Variants in WWOX observed in about 807,000 individuals in gnomAD.
WWOX encodes WW domain-containing oxidoreductase.
Under a neutral mutation model 46.2 loss-of-function variants are expected in WWOX, and 69 were observed. The ratio of observed to expected loss-of-function variants is 1.49; its 90% CI spans 1.23 to 1.82. WWOX has a LOEUF of 1.82. WWOX is among the 40% of genes most tolerant of loss of function. The pLI is 0.00. For missense variants in WWOX, 919 were observed against 542.6 expected (o/e 1.69, Z -6.89); for synonymous variants, 359 against 202.6 (o/e 1.77, Z -6.56).
chr16:78,658,380 C>G lies in WWOX; in HGVS notation c.1056+225628C>G, dbSNP rs186752884. Among the ~76,000 whole-genome samples, 15 of 152,302 alleles carry G rather than the reference C, an allele frequency of 9.8e-5. No individual in the cohort carries two copies. The East Asian group carries it at 1.3e-3, about 14-fold the overall frequency. On this transcript the variant is annotated intron_variant, in intron 8 of 8. Coordinates refer to ENST00000566780, the MANE Select transcript of WWOX (RefSeq NM_016373.4). ...GCTCTAAACACTTGCCATGTAGTCA[C>G]TAATTTAATCCTCACAAGAATTCTG... is the stretch of plus-strand genomic sequence containing the variant.
rs559242003 is a variant in WWOX, at chr16:79,103,974, G to A, written c.1057-107634G>A. Reference sequence around the variant, plus strand: ...GAAGTCTAGGAATGGGGAGATTTATGTACTATAGTCAGTAACCAATCCTGA... The same window carrying A: ...GAAGTCTAGGAATGGGGAGATTTATATACTATAGTCAGTAACCAATCCTGA... On this transcript the variant is annotated intron_variant, in intron 8 of 8. Coordinates refer to ENST00000566780, the MANE Select transcript of WWOX (RefSeq NM_016373.4). 2.3e-5 allele frequency among the ~76,000 whole-genome samples: 3 copies of A among 130,076 alleles called. No homozygotes were observed. In the South Asian group the frequency reaches 7.8e-4, roughly 34 times the overall value. The allele number at this position is 130,076 out of a possible 152,430, so 85.3% of individuals were successfully genotyped here.
At chr16:78,834,371 G>T (rs1126340) in intron 8 of WWOX, among the ~76,000 whole-genome samples, 1 of 151,964 alleles carries the variant, frequency 6.6e-6, no homozygotes, top group Non-Finnish European at 1.5e-5. Flanking sequence ...CAGGATTGTC[G>T]TGCGTGTGTC....
At chr16:78,438,553 T>G (rs1026430056) in intron 8 of WWOX, among the ~76,000 whole-genome samples, 1 of 152,104 alleles carries the variant, frequency 6.6e-6, no homozygotes, top group Non-Finnish European at 1.5e-5. Context: ...AGTATGCAGA[T>G]TTGAAGTTGA....
Position 78,224,246 on chromosome 16 carries a change from G to A in WWOX, c.516+59957G>A, listed in dbSNP as rs374089266. Among the ~76,000 whole-genome samples the A allele has an allele frequency of 1.1e-3, 170 of 152,048 alleles. 1 individual carries two copies. Among genetic ancestry groups the A allele is most frequent in the African/African-American group, 3.4e-3 (143 of 41,508 alleles). ...TCTCTATCTCCTGACCTCGTGATCC[G>A]CCTGCCTCGGCCTCCCAAAGTGCTG... On this transcript the variant is annotated intron_variant, in intron 5 of 8. Transcript: ENST00000566780.
At chr16:78,839,139 T>G (rs545436041) in intron 8 of WWOX, among the ~76,000 whole-genome samples, 9 of 152,170 alleles carry the variant, frequency 5.9e-5, no homozygotes. Context: ...ATAAAAACTT[T>G]CATTAAAATC....
intron 8 of WWOX, among the ~76,000 whole-genome samples, chr16:79,081,078 T>C (rs1291017658): frequency 1.3e-5 from 2 of 152,160 alleles, no homozygotes; most frequent in African/African-American, 4.8e-5. Context: ...AGAAGTTTTT[T>C]GGTATAGCTG....
chr16:78,541,165 C>A (rs1442871338), intron 8 of WWOX, among the ~76,000 whole-genome samples: 8 of 152,076 alleles, frequency 5.3e-5, no homozygotes, highest in Non-Finnish European at 1.2e-4. Context: ...TCTATAAATA[C>A]ACTTCTGTTA....
chr16:78,587,579 A>G (rs117598379), intron 8 of WWOX, among the ~76,000 whole-genome samples: 4,761 of 152,168 alleles, frequency 0.031, 96 homozygotes, highest in Non-Finnish European at 0.04. Context: ...TGATTACCGT[A>G]AACAGAGATG....
chr16:78,258,858 A>G (rs757879975), intron 5 of WWOX, among the ~76,000 whole-genome samples: 1 of 152,198 alleles, frequency 6.6e-6, no homozygotes, highest in African/African-American at 2.4e-5. Context: ...CAGTTAGAAC[A>G]TAACGACTTG....
chr16:79,071,418 C>T (rs1158621678), intron 8 of WWOX, among the ~76,000 whole-genome samples: 1 of 152,162 alleles, frequency 6.6e-6, no homozygotes, highest in Non-Finnish European at 1.5e-5. Flanking sequence ...GTTTCTTCCC[C>T]CCTCATCTCT....
chr16:78,819,628 A>G (rs553243151), intron 8 of WWOX, among the ~76,000 whole-genome samples: 27 of 152,304 alleles, frequency 1.8e-4, no homozygotes, highest in Non-Finnish European at 3.4e-4. Context: ...CTCCTGTTGT[A>G]CACTGTCCCT....
At chr16:79,010,231 G>A (rs1197051482) in intron 8 of WWOX, among the ~76,000 whole-genome samples, 4 of 152,194 alleles carry the variant, frequency 2.6e-5, no homozygotes, top group Non-Finnish European at 5.9e-5. Context: ...CATCTGCTGT[G>A]TGCCAGACAA....
chr16:78,526,302 C>T (rs573916109), intron 8 of WWOX: 23 of 152,506 alleles, frequency 1.5e-4, no homozygotes, highest in African/African-American at 5.5e-4. Flanking sequence ...GCTGCTGGTC[C>T]TGGATCCTTG....
intron 8 of WWOX, among the ~76,000 whole-genome samples, chr16:78,806,994 A>G (rs553939760): frequency 2.0e-5 from 3 of 152,334 alleles, no homozygotes; most frequent in South Asian, 4.1e-4. Flanking sequence ...ATGCTCATCT[A>G]TGAAATGGGG....
rs773263042 is a variant in WWOX at position 78,817,174 on chromosome 16, T to TTTC, written c.1056+384424_1056+384425insCTT. ...TTTTCTTAAACATTAGTGCTATTCTTTTTTTTTTTTTTTTTTTTTTTTTTT... is the reference window on the plus strand; with the variant it reads ...TTTTCTTAAACATTAGTGCTATTCTTTTCTTTTTTTTTTTTTTTTTTTTTTTTT... On this transcript the variant is annotated intron_variant, in intron 8 of 8. Transcript: ENST00000566780. 3.6e-4 allele frequency among the ~76,000 whole-genome samples: 43 copies of TTTC among 119,650 alleles called. 2 individuals are homozygous for TTTC. The South Asian group carries it at 0.011, about 32-fold the overall frequency. The allele number at this position is 119,650 out of a possible 152,430, so 78.5% of individuals were successfully genotyped here.
intron 5 of WWOX, among the ~76,000 whole-genome samples, chr16:78,223,304 C>G (rs1567438637): frequency 6.6e-6 from 1 of 152,110 alleles, no homozygotes; most frequent in Non-Finnish European, 1.5e-5. Flanking sequence ...GAACTTCCTA[C>G]AATGCACAGG....
chr16:78,506,036 C>T (rs2085194851), intron 8 of WWOX, among the ~76,000 whole-genome samples: 2 of 152,220 alleles, frequency 1.3e-5, no homozygotes, highest in African/African-American at 2.4e-5. Flanking sequence ...CCCTTGCACC[C>T]CTGGATCTTC....
At chr16:78,520,681 C>T (rs1341749728) in intron 8 of WWOX, among the ~76,000 whole-genome samples, 1 of 152,088 alleles carries the variant, frequency 6.6e-6, no homozygotes, top group East Asian at 1.9e-4. Context: ...GTTATGAAGT[C>T]TAGGGTACGT....
chr16:78,506,161 A>G (rs1367371694), intron 8 of WWOX, among the ~76,000 whole-genome samples: 1 of 152,204 alleles, frequency 6.6e-6, no homozygotes, highest in African/African-American at 2.4e-5. Context: ...TGTGGACGTG[A>G]AAAGACTGCA....
Sources: gnomAD v4.1 joint callset for allele counts (sites outside exome capture counted in the v4.1 genomes callset) on GRCh38, gnomAD v4.1.1 for gene constraint, MANE v1.5 for transcripts, NCBI Gene and HGNC (gene_info 2026-07-23, HGNC 2026-07-21) for gene names.